PAH: variants seen among roughly 807,000 people sequenced by gnomAD.
The protein encoded by PAH is phenylalanine-4-hydroxylase.
A neutral mutation model predicts 62.0 loss-of-function variants in PAH; 64 were observed. The observed-to-expected ratio is 1.03, with a 90% CI of 0.84 to 1.27. PAH has a LOEUF of 1.27. PAH is among the 50% of genes most tolerant of loss of function. PAH has a pLI of 0.00. For missense variants in PAH, 579 were observed against 542.8 expected (o/e 1.07, Z -0.66); for synonymous variants, 195 against 196.2 (o/e 0.99, Z 0.05).
intron 3 of PAH, among the ~76,000 whole-genome samples, chr12:102,888,584 T>C (rs996540070): frequency 1.3e-5 from 2 of 150,428 alleles, no homozygotes; most frequent in African/African-American, 4.9e-5. Flanking sequence ...GATCTTCCTT[T>C]GCCAATGAAT....
intron 4 of PAH, among the ~76,000 whole-genome samples, chr12:102,875,732 T>C (rs1393794403): frequency 2.0e-5 from 3 of 152,176 alleles, no homozygotes; most frequent in Non-Finnish European, 4.4e-5. Context: ...TTAAATTTAA[T>C]TCCTATCCTC....
chr12:102,934,945 G>A (rs903456996), intron 1 of PAH, among the ~76,000 whole-genome samples: 4 of 151,588 alleles, frequency 2.6e-5, no homozygotes, highest in African/African-American at 9.7e-5. Flanking sequence ...GAACTTCAGT[G>A]GTTAAAGTAG....
intron 2 of PAH, among the ~76,000 whole-genome samples, chr12:102,906,562 C>T (rs1246933957): frequency 6.6e-6 from 1 of 152,150 alleles, no homozygotes; most frequent in Non-Finnish European, 1.5e-5. Context: ...AGCATGTATA[C>T]ATTTTTTAAA....
chr12:102,850,858 T>C (rs1875113976), intron 8 of PAH, among the ~76,000 whole-genome samples: 1 of 151,958 alleles, frequency 6.6e-6, no homozygotes. Context: ...GAGGGTGAGA[T>C]GGGAGGATTG....
intron 4 of PAH, among the ~76,000 whole-genome samples, chr12:102,877,031 C>G (rs1048306114): frequency 6.6e-6 from 1 of 152,096 alleles, no homozygotes. Context: ...TTATCTGACC[C>G]GCATCTCCTA....
At chr12:102,871,941 AAAAAAAAAATATATATATATATATAT>A (rs1485615254) in intron 4 of PAH, among the ~76,000 whole-genome samples, 13 of 6,546 alleles carry the variant, frequency 2.0e-3, no homozygotes, top group African/African-American at 3.6e-3. Flanking sequence ...AAAAAAAAAA[AAAAAAAAAATATATATATATATATAT>A]ATATATATAT....
intron 3 of PAH, among the ~76,000 whole-genome samples, chr12:102,885,481 C>G (rs915133591): frequency 3.5e-4 from 53 of 152,278 alleles, no homozygotes; most frequent in Admixed American, 3.4e-3. Flanking sequence ...CTTGGGCAGG[C>G]TGGGGCAACA....
intron 2 of PAH, 60 bp downstream of exon 2, chr12:102,912,731 G>T: frequency 8.3e-7 from 1 of 1,204,950 alleles, no homozygotes; most frequent in Non-Finnish European, 1.2e-6. Flanking sequence ...CATCTAACTA[G>T]AAAAGAACAT....
intron 4 of PAH, among the ~76,000 whole-genome samples, chr12:102,872,022 T>G (rs1380218828): frequency 1.3e-5 from 2 of 149,524 alleles, no homozygotes; most frequent in African/African-American, 4.9e-5. Context: ...CTGTGTGCCT[T>G]TTAAATGTCA....
intron 1 of PAH, among the ~76,000 whole-genome samples, chr12:102,937,042 C>G (rs1052384708): frequency 6.6e-6 from 1 of 152,100 alleles, no homozygotes; most frequent in Non-Finnish European, 1.5e-5. Flanking sequence ...GGCTTTTCCC[C>G]CTCTTGCTTG....
At chr12:102,956,689 G>C (rs34631206) in intron 1 of PAH, among the ~76,000 whole-genome samples, 53,494 of 151,786 alleles carry the variant, frequency 0.35, 10,145 homozygotes, top group African/African-American at 0.5. Context: ...TATGATATCC[G>C]CTAAGCTGGT....
chr12:102,886,014 G>C (rs183845627), intron 3 of PAH: 1 of 152,318 alleles, frequency 6.6e-6, no homozygotes, highest in African/African-American at 2.4e-5. Context: ...AAAGGAAGAA[G>C]AGATGGCATG....
upstream of PAH, among the ~76,000 whole-genome samples, chr12:102,954,575 C>G (rs1593010098): frequency 1.3e-5 from 2 of 152,148 alleles, no homozygotes; most frequent in Admixed American, 1.3e-4. Context: ...TCACACAGCT[C>G]TCAGGTAAAG....
chr12:102,909,368 A>G (rs1878113967), intron 2 of PAH, among the ~76,000 whole-genome samples: 1 of 152,196 alleles, frequency 6.6e-6, no homozygotes, highest in Non-Finnish European at 1.5e-5. Context: ...TCAACATGAC[A>G]TCACTGATGA....
At chr12:102,907,027 C>T (rs1878004741) in intron 2 of PAH, among the ~76,000 whole-genome samples, 1 of 152,120 alleles carries the variant, frequency 6.6e-6, no homozygotes, top group Non-Finnish European at 1.5e-5. Flanking sequence ...AAGACTGTAG[C>T]TTTATCTTCT....
intron 3 of PAH, among the ~76,000 whole-genome samples, chr12:102,887,163 A>G (rs1013599664): frequency 3.9e-5 from 6 of 152,160 alleles, no homozygotes; most frequent in Admixed American, 3.9e-4. Context: ...TACAAGAGAA[A>G]GGAAGATGAG....
intron 1 of PAH, among the ~76,000 whole-genome samples, chr12:102,932,294 G>A (rs1878909509): frequency 6.6e-6 from 1 of 152,162 alleles, no homozygotes; most frequent in Admixed American, 6.5e-5. Flanking sequence ...AGAAGGAAAT[G>A]GCACAAGACT....
chr12:102,844,992 T>C (rs1858231047), intron 9 of PAH, among the ~76,000 whole-genome samples: 1 of 152,110 alleles, frequency 6.6e-6, no homozygotes, highest in Admixed American at 6.6e-5. Context: ...CAGATTTCCC[T>C]CTCTCTCTTT....
chr12:102,950,545 T>C (rs1407364366), intron 1 of PAH: 1 of 152,376 alleles, frequency 6.6e-6, no homozygotes, highest in Non-Finnish European at 1.5e-5. Context: ...AAGGTGGTGA[T>C]GGACACAGGA....
Sources: gnomAD v4.1 joint callset for allele counts (sites outside exome capture counted in the v4.1 genomes callset) on GRCh38, gnomAD v4.1.1 for gene constraint, MANE v1.5 for transcripts, NCBI Gene and HGNC (gene_info 2026-07-23, HGNC 2026-07-21) for gene names.